KDM4B: variants seen among roughly 807,000 people sequenced by gnomAD.
KDM4B encodes the protein lysine demethylase 4B, also known as lysine-specific demethylase 4B.
In KDM4B, 32 loss-of-function variants were observed where a neutral mutation model predicts 125.2. That is an observed-to-expected ratio of 0.26 (90% confidence interval 0.19 to 0.34). KDM4B has a LOEUF of 0.34. KDM4B is among the 10% of genes least tolerant of loss of function. The pLI is 1.00. For synonymous variants in KDM4B, 721 were observed against 677.9 expected (o/e 1.06, Z -0.99); for missense variants, 1,190 against 1,577.7 (o/e 0.75, Z 4.16).
At chr19:5,095,038 A>G (rs1221209673) in intron 9 of KDM4B, among the ~76,000 whole-genome samples, 1 of 152,034 alleles carries the variant, frequency 6.6e-6, no homozygotes, top group Non-Finnish European at 1.5e-5. Flanking sequence ...TGAGCCATAG[A>G]TGTCCTGTCG....
chr19:5,130,585 C>G (rs2039524355), intron 11 of KDM4B, among the ~76,000 whole-genome samples: 2 of 152,238 alleles, frequency 1.3e-5, no homozygotes. Flanking sequence ...TTACTTTCGT[C>G]AAAAGCAAAA....
intron 9 of KDM4B, among the ~76,000 whole-genome samples, chr19:5,085,404 G>A (rs1042339751): frequency 6.6e-6 from 1 of 152,246 alleles, no homozygotes; most frequent in African/African-American, 2.4e-5. Context: ...CCCAGCAGCA[G>A]ATTGAGCTGT....
At chr19:5,044,973 C>G (rs998091910) in intron 5 of KDM4B, among the ~76,000 whole-genome samples, 6 of 152,186 alleles carry the variant, frequency 3.9e-5, no homozygotes, top group African/African-American at 1.2e-4. Flanking sequence ...TCCGGGTGCA[C>G]CACAGTGTGC....
chr19:5,056,845 G>A (rs1454853334), intron 6 of KDM4B, among the ~76,000 whole-genome samples: 1 of 149,844 alleles, frequency 6.7e-6, no homozygotes, highest in Non-Finnish European at 1.5e-5. Context: ...GAGCCCTGGG[G>A]TGGGGACCCT....
At chr19:5,009,006 C>A (rs1026412262) in intron 1 of KDM4B, among the ~76,000 whole-genome samples, 7 of 151,064 alleles carry the variant, frequency 4.6e-5, no homozygotes, top group African/African-American at 1.7e-4. Context: ...CCTCTGCCTC[C>A]CAGGTTCAAG....
chr19:4,976,895 G>A (rs1028881552), intron 1 of KDM4B, among the ~76,000 whole-genome samples: 1 of 152,230 alleles, frequency 6.6e-6, no homozygotes, highest in Non-Finnish European at 1.5e-5. Flanking sequence ...TCCCAGGAAC[G>A]TTCTGACTTG....
At chr19:5,050,727 C>T (rs886424291) in intron 6 of KDM4B, among the ~76,000 whole-genome samples, 2 of 152,100 alleles carry the variant, frequency 1.3e-5, no homozygotes, top group Non-Finnish European at 2.9e-5. Context: ...GGTGAAACCC[C>T]GTCTCTACTA....
chr19:5,134,460 G>A (rs759672445), intron 14 of KDM4B, among the ~76,000 whole-genome samples: 45 of 152,172 alleles, frequency 3.0e-4, no homozygotes, highest in Non-Finnish European at 4.3e-4. Flanking sequence ...GCTGAGCTGG[G>A]CACCTGGCTA....
intron 6 of KDM4B, among the ~76,000 whole-genome samples, chr19:5,052,255 T>G (rs1221306442): frequency 1.3e-5 from 2 of 152,020 alleles, no homozygotes; most frequent in Admixed American, 6.5e-5. Context: ...CTAGCAGGCA[T>G]AGCCGTCTTT....
At chr19:5,099,788 G>C (rs1024638098) in intron 9 of KDM4B, among the ~76,000 whole-genome samples, 1 of 152,242 alleles carries the variant, frequency 6.6e-6, no homozygotes, top group African/African-American at 2.4e-5. Flanking sequence ...GGAGGACACA[G>C]TGAGAAGGCA....
At chr19:5,084,309 A>G (rs1257657316) in intron 9 of KDM4B, among the ~76,000 whole-genome samples, 2 of 146,230 alleles carry the variant, frequency 1.4e-5, no homozygotes, top group Admixed American at 6.9e-5. Flanking sequence ...TTTATATATT[A>G]TGTATAATTT....
intron 9 of KDM4B, among the ~76,000 whole-genome samples, chr19:5,108,356 T>G (rs1295103787): frequency 6.6e-6 from 1 of 152,154 alleles, no homozygotes; most frequent in African/African-American, 2.4e-5. Flanking sequence ...TTAAATGAAT[T>G]GAGTTTGCTG....
In KDM4B at chr19:4,971,170, G is replaced by A. The variant is rs893999341; in HGVS notation, c.-109+1940G>A. Reference sequence around the variant, plus strand: ...CATTTTCTAACCCTTTCCTCTTTGGGGAGGGGGCTGCTAACAAGATGTTAA... The same window carrying A: ...CATTTTCTAACCCTTTCCTCTTTGGAGAGGGGGCTGCTAACAAGATGTTAA... On this transcript the variant is annotated intron_variant, in intron 1 of 22. Coordinates refer to ENST00000159111, the MANE Select transcript of KDM4B (RefSeq NM_015015.3). The surrounding 1 kb of genome is among the most constrained non-coding windows in gnomAD (Gnocchi z 4.1). Among the ~76,000 whole-genome samples the A allele has an allele frequency of 2.0e-5, 3 of 152,134 alleles. No individual in the cohort carries two copies. Among genetic ancestry groups the A allele is most frequent in the African/African-American group, 7.2e-5 (3 of 41,426 alleles).
At chr19:5,128,088 C>A (rs1963550526) in intron 11 of KDM4B, among the ~76,000 whole-genome samples, 1 of 152,012 alleles carries the variant, frequency 6.6e-6, no homozygotes, top group South Asian at 2.1e-4. Flanking sequence ...GCTGGAGTCT[C>A]CTGTGTGCGG....
chr19:4,994,198 G>A (rs959974760), intron 1 of KDM4B, among the ~76,000 whole-genome samples: 54 of 151,708 alleles, frequency 3.6e-4, no homozygotes, highest in African/African-American at 1.3e-3. Flanking sequence ...TGCCTGCCTA[G>A]GCCTCCCGAA....
At chr19:5,104,483 T>C (rs940207113) in intron 9 of KDM4B, among the ~76,000 whole-genome samples, 1 of 142,538 alleles carries the variant, frequency 7.0e-6, no homozygotes, top group Admixed American at 7.1e-5. Context: ...GATCAGTACC[T>C]TTTTTTTTTT....
chr19:5,137,727 G>A (rs1392337430), intron 17 of KDM4B, 51 bp downstream of exon 17: 2 of 1,492,994 alleles, frequency 1.3e-6, no homozygotes. Flanking sequence ...AGCCTGCCCT[G>A]GGCTGAGGCT....
Position 5,103,363 on chromosome 19 carries a change from C to T in KDM4B, c.919-7259C>T, listed in dbSNP as rs190552199. Among the ~76,000 whole-genome samples, 129 of 152,362 alleles carry T rather than the reference C, an allele frequency of 8.5e-4. 1 individual carries two copies. Among genetic ancestry groups the T allele is most frequent in the South Asian group, 3.5e-3 (17 of 4,828 alleles). On this transcript the variant is annotated intron_variant, in intron 9 of 22. Transcript: ENST00000159111. Reference sequence around the variant, plus strand: ...GAAAAAAGAAATCTATTTATCTCTGCGTCGGGTCCCGCTCTGCATAACCGG... The same window carrying T: ...GAAAAAAGAAATCTATTTATCTCTGTGTCGGGTCCCGCTCTGCATAACCGG...
chr19:5,101,209 C>T (rs957447399), intron 9 of KDM4B, among the ~76,000 whole-genome samples: 2 of 120,958 alleles, frequency 1.7e-5, no homozygotes, highest in African/African-American at 6.6e-5. Context: ...GCAACAAGAG[C>T]AAGACTCCGT....
Sources: allele counts gnomAD v4.1 joint callset (sites outside exome capture counted in the v4.1 genomes callset), GRCh38; gene constraint gnomAD v4.1.1; non-coding constraint Gnocchi (gnomAD v3.1); transcripts MANE v1.5; gene names NCBI Gene and HGNC (gene_info 2026-07-23, HGNC 2026-07-21).